RERE: variants seen among roughly 807,000 people sequenced by gnomAD.
RERE encodes arginine-glutamic acid dipeptide repeats protein.
In RERE, 40 loss-of-function variants were observed where a neutral mutation model predicts 146.1. That is an observed-to-expected ratio of 0.27 (90% CI 0.21 to 0.36). The LOEUF is 0.36. Among genes scored for constraint, RERE ranks in the 10% least tolerant of loss-of-function variants. The pLI is 1.00. For missense variants in RERE, 1,933 were observed against 2,138.7 expected (o/e 0.90, Z 1.90); for synonymous variants, 1,003 against 866.0 (o/e 1.16, Z -2.78).
At chr1:8,376,936 A>T (rs998937185) in intron 12 of RERE, among the ~76,000 whole-genome samples, 2 of 152,268 alleles carry the variant, frequency 1.3e-5, no homozygotes, top group East Asian at 3.8e-4. Context: ...AAGCAGATCT[A>T]TTAAAAAAAA....
chr1:8,729,834 G>A (rs1640046685), intron 1 of RERE, among the ~76,000 whole-genome samples: 1 of 152,208 alleles, frequency 6.6e-6, no homozygotes, highest in African/African-American at 2.4e-5. Context: ...AAGAATGACA[G>A]ATGCAGCTGA....
In RERE at chr1:8,358,413, C is replaced by T. The variant is rs200536276; in HGVS notation, c.4122G>A (p.Leu1374=). 8.4e-5 allele frequency: 135 copies of T among 1,602,376 alleles called. No homozygotes were observed. In the African/African-American group the frequency reaches 1.2e-3, roughly 15 times the overall value. Reference sequence around the variant, plus strand: ...CCGCCAGGGCCAGTCTCTCCCTCTCCAAGGGGTTCAGGCCCGGGTGGAAAG... The same window carrying T: ...CCGCCAGGGCCAGTCTCTCCCTCTCTAAGGGGTTCAGGCCCGGGTGGAAAG... ...FASFHPGLNP[L]ERERLALAGP... Residue 1374 remains leucine (L), a synonymous_variant, in exon 20 of 23, where the codon TTG becomes TTA. Transcript: ENST00000400908.
chr1:8,719,060 A>C lies in RERE; in HGVS notation c.-144-62619T>G, dbSNP rs1639812897. Among the ~76,000 whole-genome samples the C allele has an allele frequency of 2.6e-5, 4 of 152,316 alleles. No homozygotes were observed. In the South Asian group the frequency reaches 8.3e-4, roughly 32 times the overall value. The stretch of plus-strand genomic sequence containing the variant: ...TGTGAAGTACATCACCCCACTAAAA[A>C]AAAGAAACAGGCAGGGGGCAGCAAA... On this transcript the variant is annotated intron_variant, in intron 1 of 22. Coordinates refer to ENST00000400908, the MANE Select transcript of RERE (RefSeq NM_001042681.2).
intron 4 of RERE, among the ~76,000 whole-genome samples, chr1:8,573,750 T>C (rs1305233982): frequency 2.0e-5 from 3 of 152,224 alleles, no homozygotes; most frequent in African/African-American, 4.8e-5. Flanking sequence ...TAAATATATA[T>C]TAAAGGCTAA....
rs368654266 is a variant in RERE at position 8,358,727 on chromosome 1, G to A, written c.3808C>T (p.Arg1270Cys). The A allele has an allele frequency of 3.1e-6, 5 of 1,606,460 alleles. No homozygotes were observed. Among genetic ancestry groups the A allele is most frequent in the African/African-American group, 1.3e-5 (1 of 74,854 alleles). Residue 1270 changes from arginine to cysteine, a missense_variant, in exon 20 of 23, where the codon CGC (arginine) becomes TGC (cysteine). By Grantham distance (180) the Arg-to-Cys change is radical. Around this residue, in one of 11 missense-constraint regions of RERE, gnomAD observed 1,255 missense variants for 1,153.8 expected, o/e 1.09. Transcript: ENST00000400908. ...ARPHVMSPTN[R>C]NHPFYMPLNP... ...AGGGGCATGTAGAAGGGGTGGTTGC[G>A]GTTGGTGGGCGACATGACGTGGGGC... is the stretch of plus-strand genomic sequence containing the variant.
chr1:8,553,281 C>T (rs1645961223), intron 6 of RERE, among the ~76,000 whole-genome samples: 2 of 151,878 alleles, frequency 1.3e-5, no homozygotes, highest in African/African-American at 2.4e-5. Context: ...TGCGTCCACA[C>T]ACACGTGACA....
chr1:8,448,468 A>G (rs114019263), intron 11 of RERE, among the ~76,000 whole-genome samples: 3,538 of 150,818 alleles, frequency 0.023, 122 homozygotes, highest in African/African-American at 0.079. Flanking sequence ...AAAAAGGGGG[A>G]AAAAAAAAGG....
In RERE at chr1:8,638,599, T is replaced by C. The variant is rs932930127; in HGVS notation, c.326-14219A>G. Among the ~76,000 whole-genome samples the C allele has an allele frequency of 2.0e-5, 3 of 152,252 alleles. No individual in the cohort carries two copies. The East Asian group carries it at 5.8e-4, about 29-fold the overall frequency. ...CATGTTAAGAACCACATCACAAAAC[T>C]GCGAATAGCTTAACTCCATATACGT... On this transcript the variant is annotated intron_variant, in intron 2 of 22. Transcript: ENST00000400908.
chr1:8,677,844 C>T (rs1240910032), intron 1 of RERE, among the ~76,000 whole-genome samples: 2 of 152,224 alleles, frequency 1.3e-5, no homozygotes, highest in African/African-American at 2.4e-5. Flanking sequence ...CAATAAACCT[C>T]AACACTGCTG....
rs1444087665 is a variant in RERE at position 8,758,337 on chromosome 1, AC to A, written c.-145+58822del. On this transcript the variant is annotated intron_variant, in intron 1 of 22. Coordinates refer to ENST00000400908, the MANE Select transcript of RERE (RefSeq NM_001042681.2). ...GACCTCCTGATCCACCCACCCAGCC[AC>A]CCAAAGTGCTGGGAACACACGTGTG... 6.1e-5 allele frequency among the ~76,000 whole-genome samples: 9 copies of A among 148,270 alleles called. No individual in the cohort carries two copies. In the East Asian group the frequency reaches 1.6e-3, roughly 26 times the overall value.
chr1:8,722,412 T>C (rs1361700258), intron 1 of RERE, among the ~76,000 whole-genome samples: 1 of 152,266 alleles, frequency 6.6e-6, no homozygotes, highest in East Asian at 1.9e-4. Flanking sequence ...CAGGTACTGC[T>C]GTAAGTATTA....
At position 8,354,138 on chromosome 1, in the gene RERE, T is replaced by A. The variant is rs983704768; in HGVS notation, c.*949A>T. 3.7e-4 allele frequency: 57 copies of A among 152,474 alleles called. No homozygotes were observed. Among genetic ancestry groups the A allele is most frequent in the Admixed American group, 3.7e-3 (57 of 15,276 alleles). The allele number at this position is 152,474 out of a possible 1,614,324, so 9.4% of individuals were successfully genotyped here. On this transcript the variant is annotated 3_prime_UTR_variant, in exon 23 of 23. Transcript: ENST00000400908. ...TGGACACAGGCCCATGCGCTTTCCA[T>A]CCCGTGGAAACAGAACAGTGACACT...
rs185386266 is a variant in RERE at position 8,765,783 on chromosome 1, C to G, written c.-145+51377G>C. ...CCTGGCCAACATGGTGAAACCCCGT[C>G]TCTACTAAAAATACAAAAATTAGTA... On this transcript the variant is annotated intron_variant, in intron 1 of 22. Transcript: ENST00000400908. 2.4e-3 allele frequency among the ~76,000 whole-genome samples: 367 copies of G among 152,344 alleles called. 1 individual carries two copies. The highest frequency in any genetic ancestry group is 8.4e-3 in the African/African-American group (348 of 41,576).
rs949781956 is a variant in RERE, at chr1:8,354,149, C to G, written c.*938G>C. ...CCATGCGCTTTCCATCCCGTGGAAA[C>G]AGAACAGTGACACTGGAGAACAGAA... is the stretch of plus-strand genomic sequence containing the variant. On this transcript the variant is annotated 3_prime_UTR_variant, in exon 23 of 23. Transcript: ENST00000400908. 6.6e-6 allele frequency: 1 copy of G among 152,470 alleles called. No homozygotes were observed. The highest frequency in any genetic ancestry group is 2.4e-5 in the African/African-American group (1 of 41,438). 9.4% of individuals were successfully genotyped at this position (152,470 alleles called of 1,614,324 possible). A position where few individuals can be genotyped will look rare whatever the true frequency, so the allele number is the denominator to read the frequency against.
At chr1:8,498,285 G>A (rs1447906716) in intron 8 of RERE, among the ~76,000 whole-genome samples, 1 of 152,210 alleles carries the variant, frequency 6.6e-6, no homozygotes, top group East Asian at 1.9e-4. Flanking sequence ...TTAAACCCGG[G>A]AGGCAGAGGT....
intron 1 of RERE, among the ~76,000 whole-genome samples, chr1:8,752,390 G>A (rs1001798577): frequency 6.6e-6 from 1 of 152,032 alleles, no homozygotes; most frequent in Non-Finnish European, 1.5e-5. Flanking sequence ...GTATCATCTA[G>A]TAGTTATAAG....
At chr1:8,772,651 C>T (rs1046572575) in intron 1 of RERE, among the ~76,000 whole-genome samples, 1 of 151,904 alleles carries the variant, frequency 6.6e-6, no homozygotes, top group Non-Finnish European at 1.5e-5. Context: ...GTGGCGGGCA[C>T]CTGTAGTCCC....
intron 4 of RERE, among the ~76,000 whole-genome samples, chr1:8,611,936 T>C (rs1646798528): frequency 1.4e-4 from 22 of 152,186 alleles, no homozygotes; most frequent in Admixed American, 1.4e-3. Context: ...TCCCCACCAC[T>C]GAACACAGTA....
intron 19 of RERE, among the ~76,000 whole-genome samples, chr1:8,359,529 G>A (rs1570028035): frequency 6.6e-6 from 1 of 152,324 alleles, no homozygotes; most frequent in East Asian, 1.9e-4. Context: ...TCCGGTAGGA[G>A]GACGCACAGT....
Sources: allele counts gnomAD v4.1 joint callset (sites outside exome capture counted in the v4.1 genomes callset), GRCh38; gene constraint gnomAD v4.1.1; regional missense constraint gnomAD v4.1.1; transcripts MANE v1.5; gene names NCBI Gene and HGNC (gene_info 2026-07-23, HGNC 2026-07-21).